The following LHFPL3 variants were observed in gnomAD, a reference collection of about 807,000 sequenced individuals.
The protein encoded by LHFPL3 is LHFPL tetraspan subfamily member 3 protein.
A neutral mutation model predicts 19.3 loss-of-function variants in LHFPL3; 5 were observed. The observed-to-expected ratio is 0.26, with a 90% CI of 0.14 to 0.54. The LOEUF (loss-of-function observed/expected upper bound fraction) is 0.54, where lower values mean the gene tolerates loss of function less well. Among genes scored for constraint, LHFPL3 ranks in the 20% least tolerant of loss-of-function variants. The probability of loss-of-function intolerance (pLI) is 0.94; values close to 1 mark genes in which losing one functional copy is unlikely to be tolerated. For synonymous variants in LHFPL3, 133 were observed against 126.2 expected (o/e 1.05, Z -0.36); for missense variants, 249 against 307.4 (o/e 0.81, Z 1.42).
At chr7:104,837,530 C>T (rs186079347) in intron 2 of LHFPL3, among the ~76,000 whole-genome samples, 1 of 152,314 alleles carries the variant, frequency 6.6e-6, no homozygotes, top group East Asian at 1.9e-4. Context: ...TAAGTGCTAA[C>T]ATTATCCCCA....
intron 1 of LHFPL3, among the ~76,000 whole-genome samples, chr7:104,392,813 T>C (rs989136136): frequency 6.6e-6 from 1 of 152,186 alleles, no homozygotes; most frequent in African/African-American, 2.4e-5. Flanking sequence ...ATCTGTCTTG[T>C]CCTGGACTTT....
chr7:104,762,174 C>G (rs1584520603), intron 2 of LHFPL3, among the ~76,000 whole-genome samples: 1 of 152,056 alleles, frequency 6.6e-6, no homozygotes, highest in African/African-American at 2.4e-5. Flanking sequence ...CATCCAGGAC[C>G]CGAGACAAAG....
chr7:104,391,492 T>C (rs143933498), intron 1 of LHFPL3, among the ~76,000 whole-genome samples: 13,800 of 152,190 alleles, frequency 0.091, 675 homozygotes, highest in Non-Finnish European at 0.1. Context: ...ATCAGATGGC[T>C]ATAGATGTGT....
At chr7:104,706,419 C>T (rs1793191550) in intron 1 of LHFPL3, among the ~76,000 whole-genome samples, 1 of 152,196 alleles carries the variant, frequency 6.6e-6, no homozygotes, top group South Asian at 2.1e-4. Flanking sequence ...CAGCACCTCT[C>T]TATATTGTTG....
chr7:104,766,076 G>A (rs1021769522), intron 2 of LHFPL3, among the ~76,000 whole-genome samples: 1 of 152,166 alleles, frequency 6.6e-6, no homozygotes, highest in Non-Finnish European at 1.5e-5. Flanking sequence ...ACCATCATTT[G>A]TTCCTGAGTT....
intron 1 of LHFPL3, among the ~76,000 whole-genome samples, chr7:104,660,547 G>A (rs976974258): frequency 2.0e-5 from 3 of 152,204 alleles, no homozygotes; most frequent in Non-Finnish European, 2.9e-5. Flanking sequence ...TTAGCAGAAG[G>A]TACATGATTT....
intron 1 of LHFPL3, among the ~76,000 whole-genome samples, chr7:104,683,774 A>G (rs1562965084): frequency 6.6e-6 from 1 of 152,232 alleles, no homozygotes; most frequent in African/African-American, 2.4e-5. Flanking sequence ...TCAAAATTCG[A>G]CATTCCTATA....
rs1409363435 is a variant in LHFPL3 at position 104,414,868 on chromosome 7, A to G, written c.445+85644A>G. Among the ~76,000 whole-genome samples, 3 of 152,216 alleles carry G rather than the reference A, an allele frequency of 2.0e-5. No homozygotes were observed. In the East Asian group the frequency reaches 5.8e-4, roughly 29 times the overall value. On this transcript the variant is annotated intron_variant, in intron 1 of 2. Coordinates refer to ENST00000424859, the MANE Select transcript of LHFPL3 (RefSeq NM_199000.3). ...TTGCCATCTAAAAATTTTAGTCACC[A>G]TTCCAAATGAGTGTGCTTCCAATAT...
At chr7:104,525,161 G>A (rs1794162401) in intron 1 of LHFPL3, among the ~76,000 whole-genome samples, 1 of 152,110 alleles carries the variant, frequency 6.6e-6, no homozygotes, top group South Asian at 2.1e-4. Context: ...ATCTCAATAT[G>A]CTGCTCACTG....
intron 1 of LHFPL3, among the ~76,000 whole-genome samples, chr7:104,577,753 T>C (rs1044540866): frequency 6.6e-6 from 1 of 152,196 alleles, no homozygotes; most frequent in African/African-American, 2.4e-5. Flanking sequence ...GTAAGGCATA[T>C]TGAACTGTGG....
intron 1 of LHFPL3, among the ~76,000 whole-genome samples, chr7:104,496,114 C>T (rs934518007): frequency 1.3e-5 from 2 of 152,138 alleles, no homozygotes; most frequent in Admixed American, 6.5e-5. Flanking sequence ...TGCTATCCCT[C>T]CTCCTTCCCC....
chr7:104,612,189 G>C (rs34709260), intron 1 of LHFPL3, among the ~76,000 whole-genome samples: 3,396 of 152,200 alleles, frequency 0.022, 63 homozygotes, highest in Non-Finnish European at 0.033. Context: ...CGTCAAACCT[G>C]GCTTTTAATC....
At position 104,381,244 on chromosome 7, in the gene LHFPL3, A is replaced by T. The variant is rs142058671; in HGVS notation, c.445+52020A>T. ...TGTACTAACCAAGTTGTACAGATCA[A>T]GTTGAGTAACAATAATTCAACAGAA... On this transcript the variant is annotated intron_variant, in intron 1 of 2. Transcript: ENST00000424859. Among the ~76,000 whole-genome samples the T allele has an allele frequency of 5.5e-3, 833 of 152,286 alleles. 14 individuals are homozygous for T. The highest frequency in any genetic ancestry group is 0.018 in the African/African-American group (768 of 41,564).
At position 104,329,243 on chromosome 7, in the gene LHFPL3, C is replaced by A; in HGVS notation, c.445+19C>A. 1 of 1,570,206 alleles carries A rather than the reference C, an allele frequency of 6.4e-7. No homozygotes were observed. Among genetic ancestry groups the A allele is most frequent in the South Asian group, 1.2e-5 (1 of 84,894 alleles). Reference sequence around the variant, plus strand: ...ACCTCCGGTGAGTGCGCGCTCACCTCCGCGGAGGCGGAGGACCCCGGGGCG... The same window carrying A: ...ACCTCCGGTGAGTGCGCGCTCACCTACGCGGAGGCGGAGGACCCCGGGGCG... On this transcript the variant is annotated intron_variant, in intron 1 of 2. Transcript: ENST00000424859.
Position 104,518,866 on chromosome 7 carries a change from A to G in LHFPL3, c.445+189642A>G, listed in dbSNP as rs374858865. On this transcript the variant is annotated intron_variant, in intron 1 of 2. Coordinates refer to ENST00000424859, the MANE Select transcript of LHFPL3 (RefSeq NM_199000.3). ...AGATAGAATAAATAAAAAAACTGTGATGCAAGAGCTTTATTTTAGAATATT... is the reference window on the plus strand; with the variant it reads ...AGATAGAATAAATAAAAAAACTGTGGTGCAAGAGCTTTATTTTAGAATATT... Among the ~76,000 whole-genome samples the G allele has an allele frequency of 4.7e-5, 7 of 149,686 alleles. 1 individual carries two copies. The highest frequency in any genetic ancestry group is 1.8e-4 in the African/African-American group (7 of 39,178).
At chr7:104,403,297 G>C (rs977604441) in intron 1 of LHFPL3, among the ~76,000 whole-genome samples, 1 of 152,222 alleles carries the variant, frequency 6.6e-6, no homozygotes, top group Non-Finnish European at 1.5e-5. Context: ...TTGGACCTGG[G>C]TCCTCTGGAG....
chr7:104,848,911 G>GTTTT (rs1791364633), intron 2 of LHFPL3, among the ~76,000 whole-genome samples: 1 of 147,200 alleles, frequency 6.8e-6, no homozygotes, highest in African/African-American at 2.5e-5. Flanking sequence ...TTTTTTTTTT[G>GTTTT]TTGTTGTTGT....
At chr7:104,345,225 G>C (rs1790040473) in intron 1 of LHFPL3, among the ~76,000 whole-genome samples, 1 of 152,152 alleles carries the variant, frequency 6.6e-6, no homozygotes, top group African/African-American at 2.4e-5. Context: ...TCACATAATA[G>C]TGTAAGGGTT....
chr7:104,526,832 A>G (rs1200358479), intron 1 of LHFPL3, among the ~76,000 whole-genome samples: 3 of 152,340 alleles, frequency 2.0e-5, no homozygotes, highest in South Asian at 4.1e-4. Context: ...TACCTATTAA[A>G]TGAAAGACCC....
Sources: gnomAD v4.1 joint callset for allele counts (sites outside exome capture counted in the v4.1 genomes callset) on GRCh38, gnomAD v4.1.1 for gene constraint, MANE v1.5 for transcripts, NCBI Gene and HGNC (gene_info 2026-07-23, HGNC 2026-07-21) for gene names.